HEMK2: variants seen among roughly 807,000 people sequenced by gnomAD.
The protein encoded by HEMK2 is methyltransferase HEMK2.
chr21:28,665,560 G>T, the HEMK2 span, among the ~76,000 whole-genome samples: 64 of 151,626 alleles, frequency 4.2e-4, no homozygotes, highest in African/African-American at 1.4e-3. Context: ...TAACTAACAT[G>T]GCAATCATTA....
the HEMK2 span, among the ~76,000 whole-genome samples, chr21:28,867,790 G>A: frequency 9.9e-5 from 15 of 152,094 alleles, no homozygotes; most frequent in African/African-American, 1.7e-4. Context: ...GCCTTTTGAC[G>A]AACAAAACCC....
the HEMK2 span, among the ~76,000 whole-genome samples, chr21:28,671,942 C>T: frequency 6.6e-6 from 1 of 152,092 alleles, no homozygotes; most frequent in Non-Finnish European, 1.5e-5. Context: ...CGCTGGAAAA[C>T]AGAAAATTGT....
the HEMK2 span, among the ~76,000 whole-genome samples, chr21:28,638,036 G>C: frequency 6.6e-6 from 1 of 152,140 alleles, no homozygotes; most frequent in Non-Finnish European, 1.5e-5. Context: ...CCACATTTTA[G>C]TTTTACATTC....
At chr21:28,831,445 A>AAAAAGAAAGAAAGAAAGAAAG in the HEMK2 span, among the ~76,000 whole-genome samples, 21 of 94,490 alleles carry the variant, frequency 2.2e-4, 1 homozygote, top group Non-Finnish European at 3.0e-4. Context: ...ACTCTATCTC[A>AAAAAGAAAGAAAGAAAGAAAG]AAAAGAAAGA....
chr21:28,733,707 C>A, the HEMK2 span, among the ~76,000 whole-genome samples: 7 of 152,020 alleles, frequency 4.6e-5, no homozygotes, highest in African/African-American at 1.7e-4. Flanking sequence ...AGCCTGATTG[C>A]CACCCTTTGC....
the HEMK2 span, among the ~76,000 whole-genome samples, chr21:28,831,641 A>AGG: frequency 1.8e-4 from 5 of 27,576 alleles, no homozygotes; most frequent in African/African-American, 3.8e-4. Context: ...GAAGGAAAGA[A>AGG]AGAAAGAAAG....
the HEMK2 span, among the ~76,000 whole-genome samples, chr21:28,752,291 C>CCAGATAGTCAT: frequency 2.0e-5 from 3 of 152,136 alleles, no homozygotes; most frequent in African/African-American, 7.2e-5. Flanking sequence ...ATCATAATAA[C>CCAGATAGTCAT]CAGAGAGTGA....
the HEMK2 span, among the ~76,000 whole-genome samples, chr21:28,880,489 TAGG>T: frequency 1.3e-5 from 2 of 152,150 alleles, no homozygotes; most frequent in South Asian, 4.1e-4. Context: ...CCCAGCACTT[TAGG>T]AGGCCGAGGC....
the HEMK2 span, among the ~76,000 whole-genome samples, chr21:28,838,972 A>AAAAAATATATATAT: frequency 3.4e-5 from 1 of 29,154 alleles, no homozygotes; most frequent in Non-Finnish European, 5.6e-5. Context: ...AAAAAAAAAA[A>AAAAAATATATATAT]ATATATATAT....
At chr21:28,869,627 C>T in the HEMK2 span, among the ~76,000 whole-genome samples, 2 of 152,200 alleles carry the variant, frequency 1.3e-5, no homozygotes, top group Non-Finnish European at 2.9e-5. Flanking sequence ...GCATAATCTT[C>T]CTCTTTTTTC....
the HEMK2 span, among the ~76,000 whole-genome samples, chr21:28,586,155 A>C: frequency 2.0e-5 from 3 of 152,242 alleles, no homozygotes; most frequent in Non-Finnish European, 4.4e-5. Flanking sequence ...TTGAATTTCT[A>C]AACCAGGATT....
At chr21:28,802,193 G>T in the HEMK2 span, among the ~76,000 whole-genome samples, 4 of 152,216 alleles carry the variant, frequency 2.6e-5, no homozygotes, top group East Asian at 5.8e-4. Context: ...TATACAGCTT[G>T]TAAAAAAGTA....
the HEMK2 span, among the ~76,000 whole-genome samples, chr21:28,807,570 C>A: frequency 3.5e-4 from 53 of 152,288 alleles, 2 homozygotes; most frequent in South Asian, 0.011. Context: ...ATCTTTACCC[C>A]CACTCCACTG....
chr21:28,586,370 T>C, the HEMK2 span, among the ~76,000 whole-genome samples: 4 of 152,170 alleles, frequency 2.6e-5, no homozygotes, highest in Non-Finnish European at 4.4e-5. Flanking sequence ...TAAAGCAAAA[T>C]GAGAACAGCA....
chr21:28,836,007 G>C, the HEMK2 span, among the ~76,000 whole-genome samples: 4 of 152,102 alleles, frequency 2.6e-5, no homozygotes, highest in East Asian at 7.7e-4. Flanking sequence ...ACAACCAAAC[G>C]TAATAATCAG....
At chr21:28,796,882 C>G in the HEMK2 span, among the ~76,000 whole-genome samples, 1 of 152,110 alleles carries the variant, frequency 6.6e-6, no homozygotes, top group Non-Finnish European at 1.5e-5. Context: ...TTGGTTGTTC[C>G]TTTAGGATAT....
At chr21:28,709,207 C>A in the HEMK2 span, among the ~76,000 whole-genome samples, 24 of 152,176 alleles carry the variant, frequency 1.6e-4, no homozygotes, top group African/African-American at 5.5e-4. Flanking sequence ...GATTTCAACT[C>A]ATGAATTTTG....
At chr21:28,867,132 G>T in the HEMK2 span, among the ~76,000 whole-genome samples, 1 of 152,136 alleles carries the variant, frequency 6.6e-6, no homozygotes, top group Non-Finnish European at 1.5e-5. Context: ...TAATTGTACC[G>T]TATGATTTAG....
chr21:28,719,121 C>G, the HEMK2 span, among the ~76,000 whole-genome samples: 1 of 152,120 alleles, frequency 6.6e-6, no homozygotes, highest in Non-Finnish European at 1.5e-5. Context: ...CTTTTATGGG[C>G]TCTCATCTTT....
Sources: gnomAD v4.1 joint callset for allele counts (sites outside exome capture counted in the v4.1 genomes callset) on GRCh38, gnomAD v4.1.1 for gene constraint, MANE v1.5 for transcripts, NCBI Gene and HGNC (gene_info 2026-07-23, HGNC 2026-07-21) for gene names.